PIKFYVE: variants seen among roughly 807,000 people sequenced by gnomAD.
PIKFYVE encodes phosphoinositide kinase, FYVE-type zinc finger containing.
PIKFYVE carries 122 observed loss-of-function variants against 257.9 expected under a neutral mutation model. The observed-to-expected ratio is 0.47, with a 90% CI of 0.41 to 0.55. The LOEUF (loss-of-function observed/expected upper bound fraction) is 0.55, where lower values mean the gene tolerates loss of function less well. PIKFYVE is among the 20% of genes least tolerant of loss of function. The pLI is 0.00. For missense variants in PIKFYVE, 2,160 were observed against 2,536.6 expected (o/e 0.85, Z 3.19); for synonymous variants, 892 against 868.9 (o/e 1.03, Z -0.47).
At chr2:208,340,267 C>A in intron 31 of PIKFYVE, 136 bp downstream of exon 31, 1 of 1,157,858 alleles carries the variant, frequency 8.6e-7, no homozygotes, top group Non-Finnish European at 1.2e-6. Flanking sequence ...AAAGAGATGT[C>A]TTTTGATACA....
At position 208,312,151 on chromosome 2, in the gene PIKFYVE, G is replaced by A. The variant is rs185814187; in HGVS notation, c.1637-85G>A. 5.5e-4 allele frequency: 542 copies of A among 985,444 alleles called. 2 individuals are homozygous for A. Among genetic ancestry groups the A allele is most frequent in the Middle Eastern group, 1.3e-3 (6 of 4,582 alleles). The allele number at this position is 985,444 out of a possible 1,614,324, so 61.0% of individuals were successfully genotyped here. A position where few individuals can be genotyped will look rare whatever the true frequency, so the allele number is the denominator to read the frequency against. ...TATGAGTAATATTTTGTGTGTGGGC[G>A]TATTCTCTATATAATTATGCTGACA... On this transcript the variant is annotated intron_variant, in intron 12 of 41. Coordinates refer to ENST00000264380, the MANE Select transcript of PIKFYVE (RefSeq NM_015040.4).
chr2:208,348,168 T>C, intron 35 of PIKFYVE, 145 bp downstream of exon 35: 1 of 1,081,566 alleles, frequency 9.2e-7, no homozygotes, highest in Non-Finnish European at 1.4e-6. Flanking sequence ...TGTGGTAGAG[T>C]GGAAAAAGCA....
chr2:208,274,191 G>A lies in PIKFYVE; in HGVS notation c.322+458G>A, dbSNP rs1689810857. The A allele has an allele frequency of 7.5e-6, 7 of 935,510 alleles. No individual in the cohort carries two copies. In the Admixed American group the frequency reaches 1.1e-4, roughly 14 times the overall value. The allele number at this position is 935,510 out of a possible 1,614,324, so 58.0% of individuals were successfully genotyped here. On this transcript the variant is annotated intron_variant, in intron 3 of 41. Transcript: ENST00000264380. ...TTGCTCTTGGCCTTCTGTCCTTGTT[G>A]GGGTGCAAACTGTCAGTGTGGCTGA...
intron 7 of PIKFYVE, 66 bp downstream of exon 7, chr2:208,288,884 C>G: frequency 6.4e-7 from 1 of 1,574,726 alleles, no homozygotes; most frequent in South Asian, 1.1e-5. Flanking sequence ...ATAAGAAGAA[C>G]AAACGGATAA....
chr2:208,344,019 C>T (rs1023890923), intron 32 of PIKFYVE, among the ~76,000 whole-genome samples: 2 of 151,948 alleles, frequency 1.3e-5, no homozygotes, highest in Non-Finnish European at 2.9e-5. Flanking sequence ...AGGATTTCAC[C>T]ATGTTGGCCG....
chr2:208,268,472 C>G (rs1421894236), intron 1 of PIKFYVE, among the ~76,000 whole-genome samples: 1 of 133,876 alleles, frequency 7.5e-6, no homozygotes, highest in Non-Finnish European at 1.5e-5. Flanking sequence ...GATGAAGTCT[C>G]GCTATGTTGA....
At position 208,339,472 on chromosome 2, in the gene PIKFYVE, T is replaced by C. The variant is rs143836359; in HGVS notation, c.4727T>C (p.Leu1576Pro). 104 of 1,614,018 alleles carry C rather than the reference T, an allele frequency of 6.4e-5. No individual in the cohort carries two copies. The highest frequency in any genetic ancestry group is 1.7e-4 in the Admixed American group (10 of 59,996). The change falls in exon 30 of 42, where the codon CTC (leucine) becomes CCC (proline). Residue 1576 changes from leucine (L) to proline (P), a missense_variant. By Grantham distance (98) the Leu-to-Pro change is moderately conservative. This residue lies in a region of PIKFYVE where 699 missense variants were observed against 855.8 expected (regional missense o/e 0.82). Transcript: ENST00000264380. ...CAGAGCTCCACCAGTTCTACTCATC[T>C]CCAATTGCCTACGCCACCTGAAGTC... ...SSQSSTSSTHLQLPTPPEVMS... is the reference protein window; with the variant it reads ...SSQSSTSSTHPQLPTPPEVMS...
In PIKFYVE at chr2:208,315,840, AT is replaced by A. The variant is rs11411153; in HGVS notation, c.2007+478del. 1.7e-3 allele frequency among the ~76,000 whole-genome samples: 256 copies of A among 147,934 alleles called. 1 individual carries two copies. Among genetic ancestry groups the A allele is most frequent in the African/African-American group, 5.4e-3 (217 of 40,304 alleles). ...TTAAAACATTATGACATTTTTTGCGATTTTTTTTTTTAACTTTTTTATGTCT... is the reference window on the plus strand; with the variant it reads ...TTAAAACATTATGACATTTTTTGCGATTTTTTTTTTAACTTTTTTATGTCT... On this transcript the variant is annotated intron_variant, in intron 15 of 41. Coordinates refer to ENST00000264380, the MANE Select transcript of PIKFYVE (RefSeq NM_015040.4).
chr2:208,269,426 C>T (rs1159750473), intron 1 of PIKFYVE: 4 of 241,774 alleles, frequency 1.7e-5, no homozygotes, highest in African/African-American at 6.9e-5. Context: ...TCCTCCTCAG[C>T]CATCTTCCCT....
At position 208,320,943 on chromosome 2, in the gene PIKFYVE, C is replaced by T. The variant is rs542762188; in HGVS notation, c.2190+584C>T. Among the ~76,000 whole-genome samples the T allele has an allele frequency of 5.9e-5, 9 of 152,324 alleles. No homozygotes were observed. The South Asian group carries it at 1.5e-3, about 25-fold the overall frequency. Reference sequence around the variant, plus strand: ...GGCTCTCTCCCCAGGGAGGCACACCCGCATCTCTGTGTGGTTCTTGGTAGC... The same window carrying T: ...GGCTCTCTCCCCAGGGAGGCACACCTGCATCTCTGTGTGGTTCTTGGTAGC... On this transcript the variant is annotated intron_variant, in intron 17 of 41. Coordinates refer to ENST00000264380, the MANE Select transcript of PIKFYVE (RefSeq NM_015040.4).
At chr2:208,331,908 A>G (rs892383674) in intron 23 of PIKFYVE, among the ~76,000 whole-genome samples, 15 of 152,226 alleles carry the variant, frequency 9.9e-5, no homozygotes, top group Admixed American at 6.5e-4. Context: ...GTTGTAGAAT[A>G]TGTTAACTGG....
chr2:208,349,944 C>A, intron 35 of PIKFYVE, 80 bp from the exon 36 acceptor site: 2 of 1,567,296 alleles, frequency 1.3e-6, no homozygotes, highest in South Asian at 2.4e-5. Context: ...TTTTTTGTTA[C>A]ATCAAGGAAA....
intron 19 of PIKFYVE, 23 bp from the exon 20 acceptor site, chr2:208,325,247 T>G (rs1696787423): frequency 1.9e-6 from 3 of 1,609,732 alleles, no homozygotes; most frequent in Non-Finnish European, 1.7e-6. Flanking sequence ...CCATCTTAAC[T>G]TTCTGTTTGT....
intron 13 of PIKFYVE, 133 bp from the exon 14 acceptor site, chr2:208,314,161 C>T: frequency 3.2e-6 from 3 of 942,850 alleles, no homozygotes; most frequent in Non-Finnish European, 3.3e-6. Flanking sequence ...CATGTTCTTG[C>T]CTTTTTACAC....
chr2:208,307,619 C>T (rs1242472000), intron 12 of PIKFYVE, among the ~76,000 whole-genome samples: 7 of 149,756 alleles, frequency 4.7e-5, no homozygotes, highest in African/African-American at 1.7e-4. Flanking sequence ...ACTTTGGAAG[C>T]TGGCAAAATG....
At chr2:208,339,984 A>G (rs751264714) in intron 30 of PIKFYVE, 27 bp from the exon 31 acceptor site, 3 of 1,605,590 alleles carry the variant, frequency 1.9e-6, no homozygotes, top group South Asian at 2.2e-5. Flanking sequence ...GAATATTAAT[A>G]TATAAGTAGA....
Position 208,304,430 on chromosome 2 carries a change from C to T in PIKFYVE, c.1468+112C>T, listed in dbSNP as rs1401061489. On this transcript the variant is annotated intron_variant, in intron 11 of 41. Transcript: ENST00000264380. ...TCAGCTTTATAATTTATGGCTCCAA[C>T]TAAATGGAAACATCTGATAGCAGTC... 1.5e-5 allele frequency: 21 copies of T among 1,384,318 alleles called. No homozygotes were observed. The South Asian group carries it at 2.3e-4, about 15-fold the overall frequency. 85.8% of individuals were successfully genotyped at this position (1,384,318 alleles called of 1,614,324 possible).
Position 208,315,212 on chromosome 2 carries a change from A to G in PIKFYVE, c.1846A>G (p.Met616Val), listed in dbSNP as rs574339615. Residue 616 changes from methionine to valine, a missense_variant, in exon 15 of 42, where the codon ATG (methionine) becomes GTG (valine). Met to Val is a conservative substitution (Grantham distance 21). Coordinates refer to ENST00000264380, the MANE Select transcript of PIKFYVE (RefSeq NM_015040.4). ...TTGTAGTTCAGCTAATCATAACCAC[A>G]TGATGGCACTACTCCAGCAGTTGCT... ...ERLLSANHNH[M>V]MALLQQLLHS... The G allele has an allele frequency of 3.1e-6, 5 of 1,613,990 alleles. No homozygotes were observed. Among genetic ancestry groups the G allele is most frequent in the South Asian group, 2.2e-5 (2 of 91,070 alleles).
chr2:208,290,347 A>G (rs1692147999), intron 7 of PIKFYVE, among the ~76,000 whole-genome samples: 1 of 152,218 alleles, frequency 6.6e-6, no homozygotes, highest in Non-Finnish European at 1.5e-5. Context: ...TACTTTTCCC[A>G]GAATGCCATA....
Sources: gnomAD v4.1 joint callset for allele counts (sites outside exome capture counted in the v4.1 genomes callset) on GRCh38, gnomAD v4.1.1 for gene constraint, gnomAD v4.1.1 regional missense constraint, MANE v1.5 for transcripts, NCBI Gene and HGNC (gene_info 2026-07-23, HGNC 2026-07-21) for gene names.